The following NRXN3 variants were observed in gnomAD, a reference collection of about 807,000 sequenced individuals.
NRXN3 encodes the protein neurexin III.
NRXN3 carries 32 observed loss-of-function variants against 137.6 expected under a neutral mutation model. The observed-to-expected ratio is 0.23, with a 90% CI of 0.18 to 0.31. The LOEUF (loss-of-function observed/expected upper bound fraction) is 0.31, where lower values mean the gene tolerates loss of function less well. Ranked by LOEUF, NRXN3 falls within the 10% of genes least tolerant of loss-of-function variation. NRXN3 has a pLI of 1.00. For synonymous variants in NRXN3, 798 were observed against 784.5 expected (o/e 1.02, Z -0.29); for missense variants, 1,574 against 2,062.5 (o/e 0.76, Z 4.59).
At chr14:78,492,207 G>T (rs2095681603) in intron 4 of NRXN3, among the ~76,000 whole-genome samples, 1 of 152,132 alleles carries the variant, frequency 6.6e-6, no homozygotes, top group Non-Finnish European at 1.5e-5. Context: ...GTTATCCAAG[G>T]TATAGAGTAT....
At chr14:78,221,632 G>T (rs1461714962) in intron 1 of NRXN3, among the ~76,000 whole-genome samples, 1 of 152,174 alleles carries the variant, frequency 6.6e-6, no homozygotes, top group Admixed American at 6.5e-5. Context: ...GAGGCAGTTT[G>T]ATCTAGGCCT....
intron 15 of NRXN3, among the ~76,000 whole-genome samples, chr14:79,106,201 T>G (rs891203483): frequency 6.6e-6 from 1 of 152,094 alleles, no homozygotes; most frequent in African/African-American, 2.4e-5. Flanking sequence ...TTATAATCTC[T>G]CAGATAGTAT....
chr14:78,763,185 T>G (rs2098698366), intron 8 of NRXN3, among the ~76,000 whole-genome samples: 1 of 152,198 alleles, frequency 6.6e-6, no homozygotes, highest in African/African-American at 2.4e-5. Flanking sequence ...AATCACATCC[T>G]TTATTACAAG....
intron 1 of NRXN3, among the ~76,000 whole-genome samples, chr14:78,191,400 T>C (rs960427823): frequency 1.3e-5 from 2 of 152,136 alleles, no homozygotes; most frequent in South Asian, 2.1e-4. Context: ...CTCCAGAGCC[T>C]GTATTTGTGA....
chr14:79,156,665 CT>C (rs1296014861), intron 15 of NRXN3, among the ~76,000 whole-genome samples: 11 of 151,582 alleles, frequency 7.3e-5, no homozygotes, highest in Non-Finnish European at 1.6e-4. Flanking sequence ...AAATTTTAGA[CT>C]GAGGTTCTGA....
Position 78,579,050 on chromosome 14 carries a change from A to G in NRXN3, c.758-66070A>G, listed in dbSNP as rs192350377. ...AATTCAGACAGAGACTTTCAGCTAG[A>G]GAGGGTTTAGGTATTCTGTGCCTGG... On this transcript the variant is annotated intron_variant, in intron 4 of 20. Coordinates refer to ENST00000335750, the MANE Select transcript of NRXN3 (RefSeq NM_001330195.2). Among the ~76,000 whole-genome samples the G allele has an allele frequency of 4.5e-4, 69 of 152,192 alleles. 1 individual carries two copies. The highest frequency in any genetic ancestry group is 1.6e-3 in the African/African-American group (66 of 41,524).
rs145461162 is a variant in NRXN3 at position 78,400,613 on chromosome 14, C to G, written c.757+102753C>G. On this transcript the variant is annotated intron_variant, in intron 4 of 20. Coordinates refer to ENST00000335750, the MANE Select transcript of NRXN3 (RefSeq NM_001330195.2). Reference sequence around the variant, plus strand: ...TCAAGGTGTTTATTGAGCACTTATTCCCTGGACTGTGCATGATGCTGTATA... The same window carrying G: ...TCAAGGTGTTTATTGAGCACTTATTGCCTGGACTGTGCATGATGCTGTATA... Among the ~76,000 whole-genome samples the G allele has an allele frequency of 8.7e-4, 133 of 152,224 alleles. 1 individual carries two copies. Among genetic ancestry groups the G allele is most frequent in the African/African-American group, 2.9e-3 (121 of 41,534 alleles).
intron 4 of NRXN3, chr14:78,300,765 G>A (rs2076794457): frequency 2.0e-6 from 2 of 1,015,388 alleles, no homozygotes; most frequent in Admixed American, 4.1e-5. Context: ...CAAGAGGATT[G>A]TCGATTCTGA....
chr14:79,538,136 GTTGT>G (rs751740796), intron 16 of NRXN3, among the ~76,000 whole-genome samples: 6 of 152,052 alleles, frequency 3.9e-5, no homozygotes, highest in Admixed American at 3.9e-4. Flanking sequence ...TTTTGATGGG[GTTGT>G]TTGTTTTTTT....
chr14:78,773,887 C>T (rs906850276), intron 8 of NRXN3, among the ~76,000 whole-genome samples: 11 of 152,182 alleles, frequency 7.2e-5, no homozygotes, highest in Admixed American at 2.6e-4. Flanking sequence ...CTGCAACCTC[C>T]GCCTCCCGGG....
chr14:78,304,860 G>T (rs894684124), intron 4 of NRXN3, among the ~76,000 whole-genome samples: 1 of 152,176 alleles, frequency 6.6e-6, no homozygotes, highest in Non-Finnish European at 1.5e-5. Flanking sequence ...ATGCAAGGAT[G>T]CAGGCACAGT....
intron 15 of NRXN3, among the ~76,000 whole-genome samples, chr14:78,998,687 C>T (rs1399859927): frequency 6.6e-6 from 1 of 151,340 alleles, no homozygotes; most frequent in Admixed American, 6.6e-5. Flanking sequence ...CAACATCCGC[C>T]TACCAGGTTC....
In NRXN3 at chr14:79,636,105, A is replaced by G. The variant is rs561101167; in HGVS notation, c.3445-27673A>G. On this transcript the variant is annotated intron_variant, in intron 16 of 20. Coordinates refer to ENST00000335750, the MANE Select transcript of NRXN3 (RefSeq NM_001330195.2). ...TTTCTTTCTTCTTATAGGAACACCAATCATTTTGAGTTAGGATGCATTCTA... is the reference window on the plus strand; with the variant it reads ...TTTCTTTCTTCTTATAGGAACACCAGTCATTTTGAGTTAGGATGCATTCTA... Among the ~76,000 whole-genome samples the G allele has an allele frequency of 7.2e-5, 11 of 152,320 alleles. 2 individuals carry two copies. In the East Asian group the frequency reaches 2.1e-3, roughly 29 times the overall value.
intron 4 of NRXN3, among the ~76,000 whole-genome samples, chr14:78,610,635 A>G (rs17107930): frequency 0.13 from 19,306 of 152,276 alleles, 1,591 homozygotes; most frequent in African/African-American, 0.23. Flanking sequence ...GAAAACATAC[A>G]GGTTGGGCAG....
intron 20 of NRXN3, among the ~76,000 whole-genome samples, chr14:79,858,558 T>G (rs1026835950): frequency 3.9e-5 from 6 of 152,298 alleles, no homozygotes; most frequent in Middle Eastern, 3.4e-3. Flanking sequence ...TGGGGTAGAT[T>G]TGTCATTGCC....
At chr14:78,696,191 T>C (rs2098224274) in intron 6 of NRXN3, among the ~76,000 whole-genome samples, 1 of 152,034 alleles carries the variant, frequency 6.6e-6, no homozygotes, top group South Asian at 2.1e-4. Context: ...TAGTTTCTCT[T>C]CTGTTGTAGA....
chr14:79,778,461 A>G (rs2099104349), intron 19 of NRXN3, among the ~76,000 whole-genome samples: 1 of 152,128 alleles, frequency 6.6e-6, no homozygotes, highest in African/African-American at 2.4e-5. Context: ...GATGAGCAGC[A>G]TGGAACATGA....
chr14:78,239,380 T>C (rs985891082), intron 1 of NRXN3, among the ~76,000 whole-genome samples: 6 of 152,240 alleles, frequency 3.9e-5, no homozygotes, highest in African/African-American at 1.4e-4. Flanking sequence ...CTGGAATGAA[T>C]TGGAGCTCAA....
chr14:79,376,817 T>G (rs901024402), intron 15 of NRXN3, among the ~76,000 whole-genome samples: 5 of 152,204 alleles, frequency 3.3e-5, no homozygotes, highest in Non-Finnish European at 5.9e-5. Flanking sequence ...AAGTGTTTCC[T>G]TCTAAGTGCA....
Sources: gnomAD v4.1 joint callset for allele counts (sites outside exome capture counted in the v4.1 genomes callset) on GRCh38, gnomAD v4.1.1 for gene constraint, MANE v1.5 for transcripts, NCBI Gene and HGNC (gene_info 2026-07-23, HGNC 2026-07-21) for gene names.